Variants in CLIP2 observed in about 807,000 individuals in gnomAD.
CLIP2 encodes CAP-Gly domain-containing linker protein 2.
A neutral mutation model predicts 111.7 loss-of-function variants in CLIP2; 41 were observed. That is an observed-to-expected ratio of 0.37 (90% CI 0.29 to 0.48). The LOEUF is 0.48. CLIP2 is among the 20% of genes least tolerant of loss of function. CLIP2 has a pLI of 0.99. For missense variants in CLIP2, 1,160 were observed against 1,422.1 expected (o/e 0.82, Z 2.96); for synonymous variants, 660 against 644.2 (o/e 1.02, Z -0.37).
chr7:74,337,537 G>T (rs1172821592), intron 2 of CLIP2, among the ~76,000 whole-genome samples: 1 of 151,942 alleles, frequency 6.6e-6, no homozygotes, highest in Non-Finnish European at 1.5e-5. Context: ...CTTGAGAACG[G>T]GTTCCTCCCT....
chr7:74,365,806 G>C (rs1423321005), intron 8 of CLIP2, among the ~76,000 whole-genome samples: 6 of 152,038 alleles, frequency 3.9e-5, no homozygotes, highest in African/African-American at 1.4e-4. Context: ...CCAGGCTGGA[G>C]TACAGTGGCA....
chr7:74,304,095 T>C (rs1191800263), intron 1 of CLIP2, among the ~76,000 whole-genome samples: 1 of 147,952 alleles, frequency 6.8e-6, no homozygotes, highest in African/African-American at 2.6e-5. Context: ...TTTTTTTTAA[T>C]AGGAGGTGAG....
At chr7:74,314,819 G>A (rs1353744551) in intron 1 of CLIP2, among the ~76,000 whole-genome samples, 1 of 152,226 alleles carries the variant, frequency 6.6e-6, no homozygotes, top group Non-Finnish European at 1.5e-5. Context: ...AGAGGCCTGG[G>A]GGTGGGGGGC....
At chr7:74,351,426 C>CAAAA (rs55952428) in intron 3 of CLIP2, among the ~76,000 whole-genome samples, 3 of 65,922 alleles carry the variant, frequency 4.6e-5, no homozygotes, top group Admixed American at 3.5e-4. Flanking sequence ...ATTCCAGTGT[C>CAAAA]AAAAAAAAAA....
At chr7:74,396,347 A>G (rs1201841317) in intron 13 of CLIP2, among the ~76,000 whole-genome samples, 4 of 152,142 alleles carry the variant, frequency 2.6e-5, no homozygotes, top group Non-Finnish European at 5.9e-5. Flanking sequence ...GGATCACTTG[A>G]GGCCAGGAGT....
intron 1 of CLIP2, among the ~76,000 whole-genome samples, chr7:74,308,535 C>G (rs994419549): frequency 6.6e-6 from 1 of 152,080 alleles, no homozygotes; most frequent in Non-Finnish European, 1.5e-5. Context: ...GATGGAGTCT[C>G]GCTTTGTTGC....
chr7:74,397,603 G>T (rs1554316900), intron 14 of CLIP2, among the ~76,000 whole-genome samples: 1 of 151,708 alleles, frequency 6.6e-6, no homozygotes, highest in Non-Finnish European at 1.5e-5. Flanking sequence ...TCAGTCTCAG[G>T]AAGGAGACAA....
intron 1 of CLIP2, among the ~76,000 whole-genome samples, chr7:74,306,535 G>A (rs574122878): frequency 9.2e-5 from 14 of 152,224 alleles, no homozygotes; most frequent in African/African-American, 3.1e-4. Context: ...GCTCTATTTG[G>A]CACCCGTCCC....
intron 1 of CLIP2, among the ~76,000 whole-genome samples, chr7:74,291,868 G>A (rs1215664092): frequency 6.6e-6 from 1 of 150,738 alleles, no homozygotes; most frequent in Non-Finnish European, 1.5e-5. Flanking sequence ...TGGTCCCCCA[G>A]TTCCCTCTTG....
At chr7:74,385,095 G>A (rs1449221552) in intron 11 of CLIP2, among the ~76,000 whole-genome samples, 1 of 147,492 alleles carries the variant, frequency 6.8e-6, no homozygotes, top group East Asian at 2.0e-4. Context: ...TGGCGGACAT[G>A]GTGAAACCCT....
At position 74,397,204 on chromosome 7, in the gene CLIP2, C is replaced by T. The variant is rs782630860; in HGVS notation, c.2851C>T (p.Arg951Trp). Residue 951 changes from arginine to tryptophan, a missense_variant, in exon 14 of 17, where the codon CGG becomes TGG. Around this residue, in one of 5 missense-constraint regions of CLIP2, gnomAD observed 676 missense variants for 777.8 expected, o/e 0.87. Coordinates refer to ENST00000223398, the MANE Select transcript of CLIP2 (RefSeq NM_003388.5). ...GGAGCAGAAACTCAAGGATGACATC[C>T]GGGGCCTGCGTGAAAAGCTGACCGG... ...IKEQKLKDDI[R>W]GLREKLTGLD... 9 of 1,611,480 alleles carry T rather than the reference C, an allele frequency of 5.6e-6. No homozygotes were observed. Among genetic ancestry groups the T allele is most frequent in the Admixed American group, 1.7e-5 (1 of 59,816 alleles).
intron 1 of CLIP2, among the ~76,000 whole-genome samples, chr7:74,292,780 G>C (rs1788064232): frequency 6.6e-6 from 1 of 152,158 alleles, no homozygotes; most frequent in Admixed American, 6.5e-5. Context: ...GGCACAAAGA[G>C]GTGGCTGTGT....
At chr7:74,304,448 C>T (rs1161698712) in intron 1 of CLIP2, among the ~76,000 whole-genome samples, 7 of 150,192 alleles carry the variant, frequency 4.7e-5, no homozygotes, top group Non-Finnish European at 1.0e-4. Flanking sequence ...ATGGTTTGAA[C>T]CCGGGAGGTG....
rs548129759 is a variant in CLIP2, at chr7:74,292,923, C to A, written c.-68+3189C>A. 2.0e-5 allele frequency among the ~76,000 whole-genome samples: 3 copies of A among 152,312 alleles called. No homozygotes were observed. In the East Asian group the frequency reaches 5.8e-4, roughly 29 times the overall value. On this transcript the variant is annotated intron_variant, in intron 1 of 16. Coordinates refer to ENST00000223398, the MANE Select transcript of CLIP2 (RefSeq NM_003388.5). Reference sequence around the variant, plus strand: ...TGATTCTGCCTTCTCAGACACCTATCCCTTTTGCTCAGGTGCAAAGTCCAA... The same window carrying A: ...TGATTCTGCCTTCTCAGACACCTATACCTTTTGCTCAGGTGCAAAGTCCAA...
intron 9 of CLIP2, 103 bp from the exon 10 acceptor site, chr7:74,375,784 G>T: frequency 1.1e-6 from 1 of 938,340 alleles, no homozygotes. Flanking sequence ...TGGGGCTGGT[G>T]CCCTCGAATG....
intron 14 of CLIP2, among the ~76,000 whole-genome samples, chr7:74,398,712 G>T (rs1343465547): frequency 6.6e-6 from 1 of 152,212 alleles, no homozygotes; most frequent in Non-Finnish European, 1.5e-5. Flanking sequence ...CCCAGACTGT[G>T]GCTGTGGGGG....
intron 2 of CLIP2, among the ~76,000 whole-genome samples, chr7:74,319,408 C>T (rs77770842): frequency 2.6e-5 from 4 of 151,836 alleles, no homozygotes; most frequent in Admixed American, 6.6e-5. Flanking sequence ...CATGGGAGGC[C>T]GAGGCATGAG....
At chr7:74,307,324 C>T (rs1192535391) in intron 1 of CLIP2, among the ~76,000 whole-genome samples, 1 of 152,130 alleles carries the variant, frequency 6.6e-6, no homozygotes, top group Non-Finnish European at 1.5e-5. Context: ...AAGGGCCAGA[C>T]CCGGGTCTGA....
At chr7:74,352,647 CCTGTAGTCCCAG>C (rs1790038786) in intron 3 of CLIP2, among the ~76,000 whole-genome samples, 1 of 151,186 alleles carries the variant, frequency 6.6e-6, no homozygotes, top group South Asian at 2.1e-4. Context: ...GTGGCGCGCA[CCTGTAGTCCCAG>C]CTACTCAGGA....
Sources: gnomAD v4.1 joint callset for allele counts (sites outside exome capture counted in the v4.1 genomes callset) on GRCh38, gnomAD v4.1.1 for gene constraint, gnomAD v4.1.1 regional missense constraint, MANE v1.5 for transcripts, NCBI Gene and HGNC (gene_info 2026-07-23, HGNC 2026-07-21) for gene names.